PAPSS1: variants seen among roughly 807,000 people sequenced by gnomAD.
PAPSS1 encodes the protein bifunctional 3'-phosphoadenosine 5'-phosphosulfate synthase 1.
PAPSS1 carries 50 observed loss-of-function variants against 72.0 expected under a neutral mutation model. That is an observed-to-expected ratio of 0.69 (90% CI 0.55 to 0.88). The LOEUF (loss-of-function observed/expected upper bound fraction) is 0.88. Ranked by LOEUF, PAPSS1 falls within the 40% of genes least tolerant of loss-of-function variation. The pLI, the probability that PAPSS1 is intolerant of heterozygous loss-of-function variation, is 0.00. For synonymous variants in PAPSS1, 261 were observed against 263.6 expected (o/e 0.99, Z 0.09); for missense variants, 657 against 782.2 (o/e 0.84, Z 1.91).
intron 11 of PAPSS1, among the ~76,000 whole-genome samples, chr4:107,628,449 G>C (rs1231466221): frequency 1.3e-5 from 2 of 152,126 alleles, no homozygotes; most frequent in Non-Finnish European, 2.9e-5. Context: ...TGAGGACACA[G>C]GGTCAGGGCT....
chr4:107,685,107 T>C (rs368654046), intron 4 of PAPSS1, among the ~76,000 whole-genome samples: 7 of 152,258 alleles, frequency 4.6e-5, no homozygotes, highest in South Asian at 2.1e-4. Context: ...GGTTTCACCG[T>C]GTTAGCGAGG....
chr4:107,670,184 A>C (rs1358360456), intron 5 of PAPSS1, among the ~76,000 whole-genome samples: 2 of 152,216 alleles, frequency 1.3e-5, no homozygotes, highest in African/African-American at 4.8e-5. Flanking sequence ...TGTCCCTTAT[A>C]ATAAGGACTC....
At chr4:107,626,790 T>C (rs1304979868) in intron 11 of PAPSS1, among the ~76,000 whole-genome samples, 3 of 152,220 alleles carry the variant, frequency 2.0e-5, no homozygotes, top group African/African-American at 7.2e-5. Flanking sequence ...TCAAATGCTA[T>C]CACCTTTCCA....
intron 3 of PAPSS1, among the ~76,000 whole-genome samples, chr4:107,690,996 A>G (rs991928799): frequency 6.6e-6 from 1 of 152,166 alleles, no homozygotes; most frequent in Non-Finnish European, 1.5e-5. Context: ...CAGGAACTCT[A>G]ACTCTTATTA....
At chr4:107,652,317 A>G (rs1018412627) in intron 9 of PAPSS1, among the ~76,000 whole-genome samples, 2 of 152,156 alleles carry the variant, frequency 1.3e-5, no homozygotes, top group Non-Finnish European at 2.9e-5. Flanking sequence ...CCCCAAATCT[A>G]CAGTGAATGC....
chr4:107,675,437 G>C (rs1455348535), intron 5 of PAPSS1, among the ~76,000 whole-genome samples: 1 of 152,192 alleles, frequency 6.6e-6, no homozygotes, highest in Admixed American at 6.5e-5. Flanking sequence ...AAATCTAGAA[G>C]AAATGGATAA....
intron 11 of PAPSS1, among the ~76,000 whole-genome samples, chr4:107,629,607 G>C (rs1726181153): frequency 6.6e-6 from 1 of 152,158 alleles, no homozygotes. Context: ...TAAGAACTGA[G>C]GGAGGAGATC....
intron 1 of PAPSS1, 194 bp downstream of exon 1, chr4:107,719,926 C>G: frequency 1.5e-6 from 2 of 1,377,128 alleles, no homozygotes; most frequent in Non-Finnish European, 9.3e-7. Context: ...AGGGCGAGAT[C>G]CCCACCCTGC....
intron 2 of PAPSS1, among the ~76,000 whole-genome samples, chr4:107,696,301 T>C (rs898079603): frequency 4.6e-5 from 7 of 152,130 alleles, no homozygotes; most frequent in African/African-American, 1.7e-4. Context: ...CTATTTACAA[T>C]AGCAAAAACA....
At chr4:107,631,530 C>T in intron 11 of PAPSS1, 101 bp downstream of exon 11, 2 of 786,614 alleles carry the variant, frequency 2.5e-6, no homozygotes, top group Non-Finnish European at 4.1e-6. Flanking sequence ...ATGAGTACCA[C>T]AAAACCTGTC....
chr4:107,687,178 C>T lies in PAPSS1; in HGVS notation c.412-1G>A. ...GAATTTGCCTTGCATTGTTGCGATC[C>T]TTAAAAAAAAATAAAATAAAAAGTG... On this transcript the variant is annotated splice_acceptor_variant, in intron 3 of 11. Transcript: ENST00000265174. LOFTEE classifies it high-confidence loss of function. 6.5e-7 allele frequency: 1 copy of T among 1,541,504 alleles called. No individual in the cohort carries two copies. Among genetic ancestry groups the T allele is most frequent in the Non-Finnish European group, 8.7e-7 (1 of 1,153,224 alleles).
At chr4:107,664,608 G>A (rs987024123) in intron 5 of PAPSS1, among the ~76,000 whole-genome samples, 1 of 151,786 alleles carries the variant, frequency 6.6e-6, no homozygotes, top group Non-Finnish European at 1.5e-5. Context: ...CTGCACTAAC[G>A]AATGTTTCTA....
rs554560188 is a variant in PAPSS1 at position 107,627,564 on chromosome 4, T to C, written c.1736+4067A>G. On this transcript the variant is annotated intron_variant, in intron 11 of 11. Transcript: ENST00000265174. The stretch of plus-strand genomic sequence containing the variant: ...AAAGAACTACAAATTATAGGGCCTC[T>C]CCCCAGACTAAGTAAATTAGAATTT... 4.6e-5 allele frequency among the ~76,000 whole-genome samples: 7 copies of C among 152,218 alleles called. No individual in the cohort carries two copies. In the South Asian group the frequency reaches 1.5e-3, roughly 32 times the overall value.
chr4:107,686,622 A>C (rs1323902789), intron 4 of PAPSS1, among the ~76,000 whole-genome samples: 2 of 152,234 alleles, frequency 1.3e-5, no homozygotes, highest in African/African-American at 4.8e-5. Context: ...AAGGATCGTA[A>C]TAAAGTACAA....
At chr4:107,615,916 G>C (rs766220860) in intron 11 of PAPSS1, among the ~76,000 whole-genome samples, 1 of 152,072 alleles carries the variant, frequency 6.6e-6, no homozygotes, top group Non-Finnish European at 1.5e-5. Context: ...CCACAACCAG[G>C]AAAAAGGGTC....
At chr4:107,623,223 A>G (rs1452146663) in intron 11 of PAPSS1, among the ~76,000 whole-genome samples, 1 of 152,218 alleles carries the variant, frequency 6.6e-6, no homozygotes, top group Non-Finnish European at 1.5e-5. Context: ...TGTAATCTAT[A>G]TCTGGTAATT....
rs113742128 is a variant in PAPSS1, at chr4:107,642,614, A to G, written c.1506+2188T>C. ...GTCTGAAAAATACAGTAAGAAATCA[A>G]TAAAATATGGACTATTATATTCTAT... On this transcript the variant is annotated intron_variant, in intron 10 of 11. Coordinates refer to ENST00000265174, the MANE Select transcript of PAPSS1 (RefSeq NM_005443.5). Among the ~76,000 whole-genome samples the G allele has an allele frequency of 7.3e-3, 1,113 of 152,366 alleles. 11 individuals are homozygous for G. The highest frequency in any genetic ancestry group is 0.024 in the African/African-American group (994 of 41,576).
intron 5 of PAPSS1, among the ~76,000 whole-genome samples, chr4:107,665,422 C>T (rs1236545575): frequency 6.6e-6 from 1 of 152,216 alleles, no homozygotes; most frequent in Non-Finnish European, 1.5e-5. Context: ...TCCACAGACA[C>T]AGCTATTAGA....
chr4:107,712,803 G>A lies in PAPSS1; in HGVS notation c.60+7317C>T, dbSNP rs554345497. 4.6e-5 allele frequency among the ~76,000 whole-genome samples: 7 copies of A among 151,682 alleles called. No individual in the cohort carries two copies. In the East Asian group the frequency reaches 1.4e-3, roughly 30 times the overall value. ...CAGGAGAACAGCTTGAACCAGGGAT[G>A]CGGAGGTTGCAGCGAGCCAAGATTG... On this transcript the variant is annotated intron_variant, in intron 1 of 11. Transcript: ENST00000265174.
Sources: allele counts gnomAD v4.1 joint callset (sites outside exome capture counted in the v4.1 genomes callset), GRCh38; gene constraint gnomAD v4.1.1; transcripts MANE v1.5; gene names NCBI Gene and HGNC (gene_info 2026-07-23, HGNC 2026-07-21).